Variants in STARD13 observed in about 807,000 individuals in gnomAD.
The protein encoded by STARD13 is stAR-related lipid transfer protein 13.
In STARD13, 62 loss-of-function variants were observed where a neutral mutation model predicts 106.4. That is an observed-to-expected ratio of 0.58 (90% CI 0.48 to 0.72). The LOEUF (loss-of-function observed/expected upper bound fraction) is 0.72. Among genes scored for constraint, STARD13 ranks in the 30% least tolerant of loss-of-function variants. STARD13 has a pLI of 0.00. For missense variants in STARD13, 1,387 were observed against 1,424.0 expected, an observed-to-expected ratio of 0.97 and a Z score of 0.42; for synonymous variants, 565 against 553.0, an observed-to-expected ratio of 1.02 and a Z score of -0.31.
chr13:33,541,970 G>A, the STARD13 span, among the ~76,000 whole-genome samples: 2 of 152,146 alleles, frequency 1.3e-5, no homozygotes, highest in Non-Finnish European at 2.9e-5. Flanking sequence ...ATCTGCACAA[G>A]AGGCTTTCCT....
the STARD13 span, among the ~76,000 whole-genome samples, chr13:33,385,255 A>ATATATATC: frequency 1.5e-5 from 2 of 135,952 alleles, no homozygotes; most frequent in Non-Finnish European, 3.2e-5. Context: ...ATATATATAT[A>ATATATATC]TATGTAGAAA....
the STARD13 span, among the ~76,000 whole-genome samples, chr13:33,459,412 A>T: frequency 6.6e-6 from 1 of 152,202 alleles, no homozygotes; most frequent in Non-Finnish European, 1.5e-5. Context: ...ACATTCATTC[A>T]TATTACTGCA....
At chr13:33,672,410 T>A in the STARD13 span, among the ~76,000 whole-genome samples, 4 of 152,136 alleles carry the variant, frequency 2.6e-5, no homozygotes, top group Non-Finnish European at 5.9e-5. Context: ...AAACACCTAA[T>A]GCATGCAGGG....
chr13:33,123,770 G>C (rs759874176), intron 7 of STARD13, among the ~76,000 whole-genome samples: 32 of 152,212 alleles, frequency 2.1e-4, no homozygotes, highest in Non-Finnish European at 3.7e-4. Flanking sequence ...GGCTCTGTGG[G>C]GCAGGGTCAA....
At chr13:33,260,930 C>T (rs553504643) in intron 1 of STARD13, among the ~76,000 whole-genome samples, 11 of 152,292 alleles carry the variant, frequency 7.2e-5, no homozygotes, top group South Asian at 6.2e-4. Context: ...ACGTCCTTCC[C>T]GTCTTCATTA....
chr13:33,654,720 A>G, the STARD13 span: 2 of 152,262 alleles, frequency 1.3e-5, no homozygotes, highest in African/African-American at 4.8e-5. Context: ...CTCTTCTGCC[A>G]TGGTGCAGAA....
chr13:33,419,735 C>T, the STARD13 span, among the ~76,000 whole-genome samples: 647 of 152,332 alleles, frequency 4.2e-3, 6 homozygotes, highest in African/African-American at 0.015. Flanking sequence ...CAAAGGGAAG[C>T]CCATCAGACT....
chr13:33,123,771 G>T (rs1296181241), intron 7 of STARD13, among the ~76,000 whole-genome samples: 3 of 152,366 alleles, frequency 2.0e-5, no homozygotes, highest in African/African-American at 7.2e-5. Context: ...GCTCTGTGGG[G>T]CAGGGTCAAC....
At chr13:33,190,563 A>G (rs1412199369) in intron 1 of STARD13, among the ~76,000 whole-genome samples, 3 of 149,568 alleles carry the variant, frequency 2.0e-5, no homozygotes. Context: ...TACTGCACCC[A>G]TTTCGTTTTC....
At position 33,129,888 on chromosome 13, in the gene STARD13, C is replaced by T. The variant is rs762958774; in HGVS notation, c.789G>A (p.Met263Ile). 13 of 1,613,154 alleles carry T rather than the reference C, an allele frequency of 8.1e-6. No individual in the cohort carries two copies. Among genetic ancestry groups the T allele is most frequent in the Non-Finnish European group, 1.1e-5 (13 of 1,180,040 alleles). ...RARAKSFLKR[M>I]ETLRGKGAHG... is the part of the protein sequence containing the mutation. ...GGGCTCCCTTCCCTCGGAGTGTTTC[C>T]ATGCGTTTCAAAAATGATTTGGCCC... The change falls in exon 5 of 14, where the codon ATG becomes ATA. Residue 263 changes from methionine (M) to isoleucine (I), a missense_variant. Met to Ile is a conservative substitution (Grantham distance 10). Coordinates refer to ENST00000336934, the MANE Select transcript of STARD13 (RefSeq NM_178006.4).
intron 1 of STARD13, among the ~76,000 whole-genome samples, chr13:33,182,886 G>T (rs2138460803): frequency 6.6e-6 from 1 of 152,250 alleles, no homozygotes; most frequent in Non-Finnish European, 1.5e-5. Context: ...CATCACCACG[G>T]CCCACAGTGC....
rs372873381 is a variant in STARD13 at position 33,204,123 on chromosome 13, G to A, written c.170-36501C>T. On this transcript the variant is annotated intron_variant, in intron 1 of 13. Coordinates refer to ENST00000336934, the MANE Select transcript of STARD13 (RefSeq NM_178006.4). ...AAATCGTCTCCATAAGGTCTGACGT[G>A]GGTACTGTCAGAAGCTGGCAAAATT... Among the ~76,000 whole-genome samples the A allele has an allele frequency of 3.3e-5, 5 of 152,328 alleles. No individual in the cohort carries two copies. The East Asian group carries it at 9.6e-4, about 29-fold the overall frequency.
At chr13:33,611,501 G>A in the STARD13 span, 1 of 152,192 alleles carries the variant, frequency 6.6e-6, no homozygotes, top group Non-Finnish European at 1.5e-5. Flanking sequence ...TACATTATTT[G>A]AATAAACCGT....
At chr13:33,410,024 T>C in the STARD13 span, among the ~76,000 whole-genome samples, 2 of 152,260 alleles carry the variant, frequency 1.3e-5, no homozygotes, top group African/African-American at 4.8e-5. Context: ...TTGCACACCA[T>C]GTACTGTATA....
chr13:33,195,988 C>T (rs1366241819), intron 1 of STARD13, among the ~76,000 whole-genome samples: 1 of 152,156 alleles, frequency 6.6e-6, no homozygotes, highest in Non-Finnish European at 1.5e-5. Flanking sequence ...GTAATAGACA[C>T]TTAGAGGCCA....
rs375089363 is a variant in STARD13 at position 33,135,235 on chromosome 13, C to T, written c.388-4946G>A. ...AGAGTGTGGTCAGGGGGCTGCCAGT[C>T]CCCAAACTTGCTCTTTAATGAGGTA... On this transcript the variant is annotated intron_variant, in intron 4 of 13. Coordinates refer to ENST00000336934, the MANE Select transcript of STARD13 (RefSeq NM_178006.4). 6.3e-4 allele frequency among the ~76,000 whole-genome samples: 96 copies of T among 152,304 alleles called. No homozygotes were observed. In the South Asian group the frequency reaches 0.012, roughly 19 times the overall value.
At chr13:33,580,346 C>T in the STARD13 span, among the ~76,000 whole-genome samples, 2 of 151,992 alleles carry the variant, frequency 1.3e-5, no homozygotes, top group African/African-American at 2.4e-5. Context: ...GAAAAAGGCA[C>T]TCTTATGGAG....
At chr13:33,241,829 C>T (rs145506902) in intron 1 of STARD13, among the ~76,000 whole-genome samples, 2,324 of 152,280 alleles carry the variant, frequency 0.015, 53 homozygotes, top group African/African-American at 0.048. Flanking sequence ...GACGGAGTCG[C>T]GCTCACTCAG....
chr13:33,559,723 G>A, the STARD13 span, among the ~76,000 whole-genome samples: 1 of 151,408 alleles, frequency 6.6e-6, no homozygotes, highest in Non-Finnish European at 1.5e-5. Context: ...CAGGTGTGGT[G>A]GCATGCGCCT....
Sources: gnomAD v4.1 joint callset for allele counts (sites outside exome capture counted in the v4.1 genomes callset) on GRCh38, gnomAD v4.1.1 for gene constraint, MANE v1.5 for transcripts, NCBI Gene and HGNC (gene_info 2026-07-23, HGNC 2026-07-21) for gene names.